LRTM1: variants seen among roughly 807,000 people sequenced by gnomAD.
LRTM1 encodes leucine rich repeat transmembrane protein 1, also known as leucine-rich repeat and transmembrane domain-containing protein 1.
LRTM1 carries 38 observed loss-of-function variants against 32.4 expected under a neutral mutation model. The ratio of observed to expected loss-of-function variants is 1.17; its 90% CI spans 0.91 to 1.54. The LOEUF is 1.54. Among genes scored for constraint, LRTM1 ranks in the 40% most tolerant of loss-of-function variants. The pLI, the probability that LRTM1 is intolerant of heterozygous loss-of-function variation, is 0.00. For synonymous variants in LRTM1, 186 were observed against 169.9 expected (o/e 1.09, Z -0.74); for missense variants, 466 against 415.4 (o/e 1.12, Z -1.06).
intron 1 of LRTM1, among the ~76,000 whole-genome samples, chr3:54,960,050 GAC>G (rs1701993729): frequency 6.9e-6 from 1 of 145,944 alleles, no homozygotes; most frequent in South Asian, 2.2e-4. Flanking sequence ...TACCAAAGGT[GAC>G]AGTTCCGAGA....
intron 1 of LRTM1, among the ~76,000 whole-genome samples, chr3:54,939,859 C>T (rs542271357): frequency 2.0e-5 from 3 of 152,178 alleles, no homozygotes; most frequent in Non-Finnish European, 4.4e-5. Context: ...GAACAAAAGC[C>T]GCTGGCCATG....
At chr3:54,935,450 A>T (rs540655440) in intron 1 of LRTM1, among the ~76,000 whole-genome samples, 1 of 152,368 alleles carries the variant, frequency 6.6e-6, no homozygotes, top group East Asian at 1.9e-4. Flanking sequence ...GCTAGTTGAC[A>T]TAAAGTTAAT....
At chr3:54,962,603 G>T (rs1044318750) in intron 1 of LRTM1, among the ~76,000 whole-genome samples, 1 of 152,174 alleles carries the variant, frequency 6.6e-6, no homozygotes, top group Admixed American at 6.5e-5. Context: ...TCTATTGGTG[G>T]AGACAGAGAG....
At chr3:54,962,707 G>A (rs371359111) in intron 1 of LRTM1, among the ~76,000 whole-genome samples, 1 of 152,178 alleles carries the variant, frequency 6.6e-6, no homozygotes, top group South Asian at 2.1e-4. Context: ...GGAATTCACT[G>A]ATGGTGGCAG....
At chr3:54,963,504 A>G (rs1702078702) in intron 1 of LRTM1, among the ~76,000 whole-genome samples, 1 of 152,226 alleles carries the variant, frequency 6.6e-6, no homozygotes, top group South Asian at 2.1e-4. Flanking sequence ...TAAATTGTGA[A>G]TATTATTTAA....
chr3:54,918,421 T>C lies in LRTM1; in HGVS notation c.*38A>G. On this transcript the variant is annotated 3_prime_UTR_variant, in exon 3 of 3. Transcript: ENST00000273286. ...TCAGCCCTACTCAGACACTATCTTC[T>C]GGCCTGCAATGACCAATCCTATTTG... 1.3e-6 allele frequency: 2 copies of C among 1,567,192 alleles called. No homozygotes were observed. The highest frequency in any genetic ancestry group is 1.7e-6 in the Non-Finnish European group (2 of 1,148,908).
At chr3:54,944,223 C>T (rs981970575) in intron 1 of LRTM1, among the ~76,000 whole-genome samples, 5 of 152,024 alleles carry the variant, frequency 3.3e-5, no homozygotes, top group African/African-American at 7.2e-5. Flanking sequence ...TGCTGAGGAC[C>T]TGCGAACTCT....
intron 1 of LRTM1, among the ~76,000 whole-genome samples, chr3:54,947,740 A>G (rs1044939916): frequency 1.3e-5 from 2 of 152,184 alleles, no homozygotes; most frequent in Non-Finnish European, 2.9e-5. Context: ...TACCCTATGT[A>G]TTCCAAATAT....
At chr3:54,948,739 A>T (rs1425672852) in intron 1 of LRTM1, among the ~76,000 whole-genome samples, 1 of 152,196 alleles carries the variant, frequency 6.6e-6, no homozygotes, top group Non-Finnish European at 1.5e-5. Flanking sequence ...GACTGTCTGC[A>T]TGGAGGTGCT....
intron 1 of LRTM1, among the ~76,000 whole-genome samples, chr3:54,965,540 A>G (rs1471238669): frequency 6.6e-6 from 1 of 152,190 alleles, no homozygotes; most frequent in African/African-American, 2.4e-5. Context: ...AGCTTTTACA[A>G]TGGATCTACT....
chr3:54,930,371 A>C (rs772578857), upstream of LRTM1, among the ~76,000 whole-genome samples: 4 of 152,238 alleles, frequency 2.6e-5, no homozygotes, highest in Non-Finnish European at 5.9e-5. Context: ...CTGGTCAAAA[A>C]GCATAAATGG....
rs57778359 is a variant in LRTM1, at chr3:54,957,166, C to CT, written c.-222+9761dup. 1.0e-4 allele frequency among the ~76,000 whole-genome samples: 15 copies of CT among 148,814 alleles called. No individual in the cohort carries two copies. In the East Asian group the frequency reaches 1.4e-3, roughly 14 times the overall value. ...ATGAATCAAGTTATAAAATAATTTTCTTTTTTTTTTTTTTAGAGACAGGGT... is the reference window on the plus strand; with the variant it reads ...ATGAATCAAGTTATAAAATAATTTTCTTTTTTTTTTTTTTTAGAGACAGGGT... On this transcript the variant is annotated intron_variant, in intron 1 of 2. Transcript: ENST00000493075.
At chr3:54,929,960 T>C (rs1701144550), upstream of LRTM1, among the ~76,000 whole-genome samples, 1 of 152,154 alleles carries the variant, frequency 6.6e-6, no homozygotes, top group Non-Finnish European at 1.5e-5. Context: ...TGTGTGCCTC[T>C]CTCTTTCCCT....
At chr3:54,930,011 A>G (rs1701145415), upstream of LRTM1, among the ~76,000 whole-genome samples, 1 of 152,178 alleles carries the variant, frequency 6.6e-6, no homozygotes, top group Admixed American at 6.5e-5. Context: ...GATAGTAAAC[A>G]TTTTAGACCT....
Position 54,928,056 on chromosome 3 carries a change from A to G in LRTM1, c.-145T>C. ...TGCCCTTGCTTTTCTTCAATGCAGA[A>G]AACAGTTGTTGCTTTCAAAAGACCA... On this transcript the variant is annotated 5_prime_UTR_variant, in exon 1 of 3. Coordinates refer to ENST00000273286, the MANE Select transcript of LRTM1 (RefSeq NM_020678.4). The G allele has an allele frequency of 1.4e-6, 1 of 736,522 alleles. No individual in the cohort carries two copies. The highest frequency in any genetic ancestry group is 2.4e-6 in the Non-Finnish European group (1 of 422,830). 45.6% of individuals were successfully genotyped at this position (736,522 alleles called of 1,614,324 possible). A position where few individuals can be genotyped will look rare whatever the true frequency, so the allele number is the denominator to read the frequency against.
intron 1 of LRTM1, among the ~76,000 whole-genome samples, chr3:54,933,347 A>G (rs1226568769): frequency 2.6e-5 from 4 of 152,214 alleles, no homozygotes; most frequent in African/African-American, 4.8e-5. Flanking sequence ...ATCACAGTCT[A>G]GTTCAGGTTG....
At chr3:54,965,362 G>T (rs1702124857) in intron 1 of LRTM1, among the ~76,000 whole-genome samples, 1 of 152,150 alleles carries the variant, frequency 6.6e-6, no homozygotes, top group African/African-American at 2.4e-5. Context: ...TCTTTAAAAA[G>T]GTTCTCTCCC....
upstream of LRTM1, among the ~76,000 whole-genome samples, chr3:54,931,348 G>A (rs375032221): frequency 4.6e-5 from 7 of 152,128 alleles, no homozygotes; most frequent in East Asian, 9.6e-4. Context: ...TGCCCGCCCC[G>A]GACACTTGGA....
chr3:54,944,622 C>T (rs1281246559), intron 1 of LRTM1, among the ~76,000 whole-genome samples: 2 of 151,984 alleles, frequency 1.3e-5, no homozygotes, highest in African/African-American at 4.8e-5. Context: ...AGGGTTTCAC[C>T]GTGTTAGCCA....
Sources: gnomAD v4.1 joint callset for allele counts (sites outside exome capture counted in the v4.1 genomes callset) on GRCh38, gnomAD v4.1.1 for gene constraint, MANE v1.5 for transcripts, NCBI Gene and HGNC (gene_info 2026-07-23, HGNC 2026-07-21) for gene names.